Variants in HSPA12A observed in about 807,000 individuals in gnomAD.
HSPA12A encodes the protein heat shock 70 kDa protein 12A.
HSPA12A carries 28 observed loss-of-function variants against 69.2 expected under a neutral mutation model. That is an observed-to-expected ratio of 0.40 (90% CI 0.30 to 0.55). HSPA12A has a LOEUF of 0.55. HSPA12A is among the 20% of genes least tolerant of loss of function. HSPA12A has a pLI of 0.38. For missense variants in HSPA12A, 686 were observed against 900.7 expected (o/e 0.76, Z 3.05); for synonymous variants, 345 against 370.5 (o/e 0.93, Z 0.79).
At chr10:116,791,916 G>A (rs895950362) in intron 2 of HSPA12A, among the ~76,000 whole-genome samples, 28 of 152,100 alleles carry the variant, frequency 1.8e-4, no homozygotes, top group African/African-American at 6.3e-4. Flanking sequence ...CAAGCTTATC[G>A]ATTAGCTGGG....
chr10:116,681,072 G>A, intron 9 of HSPA12A, 80 bp downstream of exon 9: 1 of 931,298 alleles, frequency 1.1e-6, no homozygotes, highest in Non-Finnish European at 1.8e-6. Flanking sequence ...GAATAAAACT[G>A]AGAGTTATCT....
chr10:116,798,602 C>T (rs992973076), intron 2 of HSPA12A, among the ~76,000 whole-genome samples: 40 of 152,014 alleles, frequency 2.6e-4, no homozygotes, highest in African/African-American at 8.2e-4. Context: ...GGTGAAGGAC[C>T]GACATGCTCA....
intron 2 of HSPA12A, among the ~76,000 whole-genome samples, chr10:116,758,900 C>A (rs1843909327): frequency 6.6e-6 from 1 of 152,176 alleles, no homozygotes; most frequent in South Asian, 2.1e-4. Flanking sequence ...TCGGCTGATT[C>A]TAGATCCTGG....
At chr10:116,740,599 A>G (rs914900904) in intron 1 of HSPA12A, among the ~76,000 whole-genome samples, 2 of 150,216 alleles carry the variant, frequency 1.3e-5, no homozygotes, top group Non-Finnish European at 3.0e-5. Context: ...CACACCAGGT[A>G]TGGGTGTCCC....
At chr10:116,690,218 C>G (rs1386668263) in intron 6 of HSPA12A, among the ~76,000 whole-genome samples, 2 of 152,168 alleles carry the variant, frequency 1.3e-5, no homozygotes, top group African/African-American at 4.8e-5. Flanking sequence ...TGCAGAGCAA[C>G]TGTGCCTCCC....
At chr10:116,787,079 G>A (rs10886010) in intron 2 of HSPA12A, among the ~76,000 whole-genome samples, 64,439 of 151,408 alleles carry the variant, frequency 0.43, 13,925 homozygotes, top group Admixed American at 0.51. Context: ...CTGTCGTGTT[G>A]GCATATTTAG....
At chr10:116,830,012 G>T (rs77917853) in intron 2 of HSPA12A, 10,049 of 152,212 alleles carry the variant, frequency 0.066, 1,070 homozygotes, top group African/African-American at 0.22. Context: ...CGAAACTCGT[G>T]TTCACCACCA....
At chr10:116,718,400 C>A (rs1338494470) in intron 1 of HSPA12A, among the ~76,000 whole-genome samples, 3 of 152,144 alleles carry the variant, frequency 2.0e-5, no homozygotes, top group African/African-American at 4.8e-5. Flanking sequence ...AGAGATACAC[C>A]ATCTCCAGGC....
At chr10:116,728,083 C>A (rs1361894489) in intron 1 of HSPA12A, among the ~76,000 whole-genome samples, 1 of 152,132 alleles carries the variant, frequency 6.6e-6, no homozygotes, top group Non-Finnish European at 1.5e-5. Context: ...ACTGGGATTA[C>A]AGGCATGAGC....
intron 1 of HSPA12A, among the ~76,000 whole-genome samples, chr10:116,849,289 G>C (rs1405647375): frequency 1.3e-5 from 2 of 152,224 alleles, no homozygotes; most frequent in African/African-American, 4.8e-5. Flanking sequence ...AAAATCGCCA[G>C]GGAAAAGTGG....
At chr10:116,830,048 G>A (rs1845584350) in intron 2 of HSPA12A, 1 of 152,202 alleles carries the variant, frequency 6.6e-6, no homozygotes, top group South Asian at 2.1e-4. Context: ...TCCACAGACT[G>A]AATGATGGGG....
intron 2 of HSPA12A, among the ~76,000 whole-genome samples, chr10:116,826,002 C>T (rs1845497360): frequency 6.6e-6 from 1 of 152,132 alleles, no homozygotes; most frequent in African/African-American, 2.4e-5. Flanking sequence ...GGAGAAGCCA[C>T]CTACAGATGT....
intron 2 of HSPA12A, among the ~76,000 whole-genome samples, chr10:116,819,488 C>T (rs968321739): frequency 2.0e-5 from 3 of 152,144 alleles, no homozygotes; most frequent in Non-Finnish European, 2.9e-5. Flanking sequence ...GGGATTAGTG[C>T]CCTTATAAAA....
At chr10:116,740,131 G>A (rs1554886850) in intron 1 of HSPA12A, among the ~76,000 whole-genome samples, 1 of 152,160 alleles carries the variant, frequency 6.6e-6, no homozygotes, top group African/African-American at 2.4e-5. Context: ...ACATGCATAA[G>A]GGCTGTATGC....
At chr10:116,740,693 T>C (rs1023006507) in intron 1 of HSPA12A, among the ~76,000 whole-genome samples, 38 of 123,696 alleles carry the variant, frequency 3.1e-4, no homozygotes, top group African/African-American at 8.9e-4. Context: ...TGTGTGTGTG[T>C]GTGCGTGTGT....
intron 2 of HSPA12A, among the ~76,000 whole-genome samples, chr10:116,824,541 A>C (rs1433473192): frequency 1.3e-5 from 2 of 152,252 alleles, no homozygotes; most frequent in Non-Finnish European, 2.9e-5. Context: ...TTCTATCCAT[A>C]CAATGGAATA....
Position 116,788,721 on chromosome 10 carries a change from T to A in HSPA12A, c.91+46214A>T, listed in dbSNP as rs1033968397. 3.9e-5 allele frequency among the ~76,000 whole-genome samples: 6 copies of A among 152,300 alleles called. 1 individual carries two copies. In the South Asian group the frequency reaches 1.0e-3, roughly 26 times the overall value. ...CTGCACAATAATACATGCTACATCA[T>A]CATTTTTAATATTTTCAATTGAAAA... On this transcript the variant is annotated intron_variant, in intron 2 of 12. Coordinates refer to the HSPA12A transcript ENST00000635765.
At chr10:116,676,077 T>A (rs1375238781) in intron 11 of HSPA12A, among the ~76,000 whole-genome samples, 3 of 152,240 alleles carry the variant, frequency 2.0e-5, no homozygotes, top group Non-Finnish European at 4.4e-5. Flanking sequence ...CTCTCTGATC[T>A]TTTTTGTTGT....
chr10:116,754,082 T>G (rs1213152528), intron 2 of HSPA12A, among the ~76,000 whole-genome samples: 3 of 152,206 alleles, frequency 2.0e-5, no homozygotes, highest in Admixed American at 6.5e-5. Flanking sequence ...GGGTCAGCTA[T>G]GAGCAATTTA....
Sources: gnomAD v4.1 joint callset for allele counts (sites outside exome capture counted in the v4.1 genomes callset) on GRCh38, gnomAD v4.1.1 for gene constraint, MANE v1.5 for transcripts, NCBI Gene and HGNC (gene_info 2026-07-23, HGNC 2026-07-21) for gene names.